Variants in SYNE4 observed in about 807,000 individuals in gnomAD.
The protein encoded by SYNE4 is spectrin repeat containing nuclear envelope family member 4, also known as nesprin-4.
In SYNE4, 41 loss-of-function variants were observed where a neutral mutation model predicts 46.9. The ratio of observed to expected loss-of-function variants is 0.87; its 90% CI spans 0.68 to 1.13. SYNE4 has a LOEUF of 1.13. Among genes scored for constraint, SYNE4 ranks in the 50% most tolerant of loss-of-function variants. The probability of loss-of-function intolerance (pLI) is 0.00; values close to 1 mark genes in which losing one functional copy is unlikely to be tolerated. For synonymous variants in SYNE4, 221 were observed against 219.5 expected, an observed-to-expected ratio of 1.01 and a Z score of -0.06; for missense variants, 492 against 514.8, an observed-to-expected ratio of 0.96 and a Z score of 0.43.
Position 36,006,484 on chromosome 19 carries a change from A to C in SYNE4, c.806T>G (p.Leu269Arg). Reference sequence around the variant, plus strand: ...GCCACACAGCTCACAGGGCACTCCTAGTGTCCGGGCTGTCTTTTGTCCCAA... The same window carrying C: ...GCCACACAGCTCACAGGGCACTCCTCGTGTCCGGGCTGTCTTTTGTCCCAA... ...GPLGQKTART[L>R]GVPCELCGQR... Residue 269 changes from leucine to arginine, a missense_variant, in exon 5 of 8, where the codon CTA (leucine) becomes CGA (arginine). Physicochemically the swap from Leu to Arg is moderately radical, Grantham distance 102. Transcript: ENST00000324444. The C allele has an allele frequency of 6.2e-7, 1 of 1,612,254 alleles. No individual in the cohort carries two copies. Among genetic ancestry groups the C allele is most frequent in the Non-Finnish European group, 8.5e-7 (1 of 1,179,268 alleles).
intron 2 of SYNE4, chr19:36,007,679 C>T: frequency 1.3e-6 from 1 of 761,558 alleles, no homozygotes; most frequent in Non-Finnish European, 1.6e-6. Flanking sequence ...GAGTTCAAGA[C>T]CAGCCTGGGC....
intron 2 of SYNE4, chr19:36,007,586 A>G (rs567608576): frequency 1.8e-5 from 18 of 985,280 alleles, no homozygotes; most frequent in South Asian, 4.7e-5. Context: ...CAATGATGAA[A>G]TGCTTCTCAG....
rs948557511 is a variant in SYNE4, at chr19:36,007,205, C to A, written c.343G>T (p.Gly115Trp). 32 of 1,586,004 alleles carry A rather than the reference C, an allele frequency of 2.0e-5. No individual in the cohort carries two copies. The highest frequency in any genetic ancestry group is 2.5e-5 in the Non-Finnish European group (29 of 1,166,726). Residue 115 changes from glycine (G) to tryptophan (W), a missense_variant, in exon 3 of 8, where the codon GGG (glycine) becomes TGG (tryptophan). Physicochemically the swap from Gly to Trp is radical, Grantham distance 184. Transcript: ENST00000324444. ...EQNSLHLCLL[G>W]LGRRLQDLEQ... ...AGGTCCTGCAGCCGGCGGCCCAGCC[C>A]CAGCAGGCACAGGTGCAGGCTGTTC...
chr19:36,006,958 G>A lies in SYNE4; in HGVS notation c.424-14C>T, dbSNP rs1451359029. On this transcript the variant is annotated splice_polypyrimidine_tract_variant and intron_variant, in intron 3 of 7. Transcript: ENST00000324444. ...CACCTGGAGGGCCTGGGGACATATG[G>A]ACATCACCCCACGCACACACCAGGG... 1 of 1,541,666 alleles carries A rather than the reference G, an allele frequency of 6.5e-7. No homozygotes were observed. Among genetic ancestry groups the A allele is most frequent in the South Asian group, 1.2e-5 (1 of 83,026 alleles).
chr19:36,006,128 C>T (rs1298119033), intron 5 of SYNE4: 6 of 377,650 alleles, frequency 1.6e-5, no homozygotes, highest in South Asian at 1.0e-4. Context: ...TTGGAGGTCA[C>T]GACAGGCCTC....
intron 5 of SYNE4, 123 bp downstream of exon 5, chr19:36,006,300 C>T: frequency 1.6e-6 from 2 of 1,284,792 alleles, no homozygotes; most frequent in Non-Finnish European, 2.1e-6. Context: ...CACCGAGAGA[C>T]AGAGATAGAG....
rs1252295764 is a variant in SYNE4, at chr19:36,007,127, G to T, written c.421C>A (p.Gln141Lys). The part of the protein sequence containing the change: ...ALAQSGMVQL[Q>K]ALQVDLRGAA... ...ACATCCTGGCCTCTCCTGCCTACCTGCAGCTGCACCATCCCACTCTGGGCC... is the reference window on the plus strand; with the variant it reads ...ACATCCTGGCCTCTCCTGCCTACCTTCAGCTGCACCATCCCACTCTGGGCC... The change falls in exon 3 of 8, where the codon CAG becomes AAG. Residue 141 changes from glutamine to lysine, a missense_variant and splice_region_variant. Transcript: ENST00000324444. 3 of 1,598,854 alleles carry T rather than the reference G, an allele frequency of 1.9e-6. No individual in the cohort carries two copies. The highest frequency in any genetic ancestry group is 2.3e-5 in the South Asian group (2 of 88,600).
In SYNE4 at chr19:36,008,605, G is replaced by A. The variant is rs757752683; in HGVS notation, c.77C>T (p.Ala26Val). The A allele has an allele frequency of 1.6e-5, 26 of 1,613,894 alleles. No homozygotes were observed. The East Asian group carries it at 4.7e-4, about 29-fold the overall frequency. The part of the protein sequence containing the change: ...LNHPPGAPRE[A>V]DIVGCTVCPA... Reference sequence around the variant, plus strand: ...GCAGACGGTGCATCCAACAATGTCCGCCTCTCTAGGTGCTCCCGGTGGGTG... The same window carrying A: ...GCAGACGGTGCATCCAACAATGTCCACCTCTCTAGGTGCTCCCGGTGGGTG... Residue 26 changes from alanine (A) to valine (V), a missense_variant, in exon 1 of 8, where the codon GCG becomes GTG. Transcript: ENST00000324444.
chr19:36,003,703 G>A lies in SYNE4; in HGVS notation c.973-32C>T, dbSNP rs1196281862. 7 of 1,602,102 alleles carry A rather than the reference G, an allele frequency of 4.4e-6. No homozygotes were observed. The Admixed American group carries it at 8.6e-5, about 20-fold the overall frequency. On this transcript the variant is annotated intron_variant, in intron 6 of 7. Coordinates refer to ENST00000324444, the MANE Select transcript of SYNE4 (RefSeq NM_001039876.3). Reference sequence around the variant, plus strand: ...AGGGAGAGCAGCCAGCAGCAGAATGGATAGAAATGATGCTTTATTTGTTTA... The same window carrying A: ...AGGGAGAGCAGCCAGCAGCAGAATGAATAGAAATGATGCTTTATTTGTTTA...
intron 6 of SYNE4, 70 bp from the exon 7 acceptor site, chr19:36,003,741 C>T (rs922281123): frequency 8.0e-5 from 124 of 1,555,636 alleles, no homozygotes; most frequent in Non-Finnish European, 9.7e-5. Context: ...TATTTTGAGA[C>T]GGAGTCTCAC....
At chr19:36,007,340 C>T (rs1414933521) in intron 2 of SYNE4, 72 bp from the exon 3 acceptor site, 12 of 1,473,958 alleles carry the variant, frequency 8.1e-6, no homozygotes, top group Non-Finnish European at 1.1e-5. Flanking sequence ...ATCCCCACCC[C>T]TCTTCTGTAA....
chr19:36,007,299 G>C, intron 2 of SYNE4, 31 bp from the exon 3 acceptor site: 2 of 1,573,588 alleles, frequency 1.3e-6, no homozygotes. Context: ...GTCAGGGCCA[G>C]TGGGCCAATC....
intron 2 of SYNE4, chr19:36,007,525 ACAGGGAGCGGGGCTGGG>A: frequency 2.0e-6 from 2 of 985,282 alleles, no homozygotes; most frequent in Non-Finnish European, 2.4e-6. Context: ...GGGGGTCTGG[ACAGGGAGCGGGGCTGGG>A]TACCCCCCAA....
Position 36,006,479 on chromosome 19 carries a change from C to T in SYNE4, c.811G>A (p.Val271Met). ...CTCTGGCCACACAGCTCACAGGGCA[C>T]TCCTAGTGTCCGGGCTGTCTTTTGT... ...LGQKTARTLG[V>M]PCELCGQRGP... Residue 271 changes from valine (V) to methionine (M), a missense_variant, in exon 5 of 8, where the codon GTG (valine) becomes ATG (methionine). Val to Met is a conservative substitution (Grantham distance 21). Coordinates refer to ENST00000324444, the MANE Select transcript of SYNE4 (RefSeq NM_001039876.3). 1 of 1,612,668 alleles carries T rather than the reference C, an allele frequency of 6.2e-7. No individual in the cohort carries two copies. The highest frequency in any genetic ancestry group is 2.2e-5 in the East Asian group (1 of 44,830).
At position 36,008,665 on chromosome 19, in the gene SYNE4, G is replaced by C; in HGVS notation, c.17C>G (p.Pro6Arg). The change falls in exon 1 of 8, where the codon CCT becomes CGT. Residue 6 changes from proline to arginine, a missense_variant. Transcript: ENST00000324444. ...CTCTGAGCCAAGTCTAGGGCCCAGA[G>C]GCAGGGACAGGGCCATGGCTGGGGG... Reference protein sequence around the residue: MALSLPLGPRLGSEPL... With the variant: MALSLRLGPRLGSEPL... 6.2e-7 allele frequency: 1 copy of C among 1,612,866 alleles called. No homozygotes were observed. Among genetic ancestry groups the C allele is most frequent in the Non-Finnish European group, 8.5e-7 (1 of 1,179,564 alleles).
Position 36,007,212 on chromosome 19 carries a change from G to A in SYNE4, c.336C>T (p.Cys112=), listed in dbSNP as rs368669131. The A allele has an allele frequency of 2.8e-5, 45 of 1,587,586 alleles. No homozygotes were observed. Among genetic ancestry groups the A allele is most frequent in the African/African-American group, 4.0e-5 (3 of 74,674 alleles). The change falls in exon 3 of 8, where the codon TGC becomes TGT. Residue 112 remains cysteine (C), a synonymous_variant. Transcript: ENST00000324444. The stretch of plus-strand genomic sequence containing the variant: ...GCAGCCGGCGGCCCAGCCCCAGCAG[G>A]CACAGGTGCAGGCTGTTCTGCTCAG... ...LEAEQNSLHL[C]LLGLGRRLQD... is the part of the protein sequence containing the mutation.
At chr19:36,006,703 T>C (rs1450617483) in intron 4 of SYNE4, 32 bp from the exon 5 acceptor site, 2 of 1,590,152 alleles carry the variant, frequency 1.3e-6, no homozygotes, top group Non-Finnish European at 8.6e-7. Context: ...ATGGAGGCTA[T>C]GAGGTTGGGG....
At position 36,005,632 on chromosome 19, in the gene SYNE4, T is replaced by C; in HGVS notation, c.868-195A>G. Reference sequence around the variant, plus strand: ...TGAGTTTCTGTTACAAGCCAGGAACTGTTCTAGGAGCTGAGGACACAGTGG... The same window carrying C: ...TGAGTTTCTGTTACAAGCCAGGAACCGTTCTAGGAGCTGAGGACACAGTGG... On this transcript the variant is annotated intron_variant, in intron 5 of 7. Coordinates refer to ENST00000324444, the MANE Select transcript of SYNE4 (RefSeq NM_001039876.3). The C allele has an allele frequency of 6.9e-6, 4 of 579,400 alleles. No homozygotes were observed. The South Asian group carries it at 8.1e-5, about 12-fold the overall frequency. 35.9% of individuals were successfully genotyped at this position (579,400 alleles called of 1,614,324 possible).
At chr19:36,006,323 C>T in intron 5 of SYNE4, 100 bp downstream of exon 5, 9 of 1,439,362 alleles carry the variant, frequency 6.3e-6, no homozygotes, top group Non-Finnish European at 8.4e-6. Flanking sequence ...GGAGACAGAG[C>T]CACTGACACC....
Sources: gnomAD v4.1 joint callset for allele counts on GRCh38, gnomAD v4.1.1 for gene constraint, MANE v1.5 for transcripts, NCBI Gene and HGNC (gene_info 2026-07-23, HGNC 2026-07-21) for gene names.